RASSF3: variants seen among roughly 807,000 people sequenced by gnomAD.
The protein encoded by RASSF3 is Ras association domain family member 3.
A neutral mutation model predicts 19.9 loss-of-function variants in RASSF3; 19 were observed. The observed-to-expected ratio is 0.96, with a 90% CI of 0.67 to 1.40. RASSF3 has a LOEUF of 1.40. Ranked by LOEUF, RASSF3 falls within the 40% of genes most tolerant of loss-of-function variation. The pLI, the probability that RASSF3 is intolerant of heterozygous loss-of-function variation, is 0.00. For missense variants in RASSF3, 306 were observed against 289.8 expected, an observed-to-expected ratio of 1.06 and a Z score of -0.41; for synonymous variants, 110 against 104.2, an observed-to-expected ratio of 1.06 and a Z score of -0.34.
intron 1 of RASSF3, among the ~76,000 whole-genome samples, chr12:64,636,808 G>A (rs2136178253): frequency 6.6e-6 from 1 of 150,964 alleles, no homozygotes; most frequent in East Asian, 1.9e-4. Flanking sequence ...GGAGGTTGCA[G>A]TGAGCGAAAT....
chr12:64,624,030 G>T (rs778707721), intron 1 of RASSF3, among the ~76,000 whole-genome samples: 1 of 151,892 alleles, frequency 6.6e-6, no homozygotes, highest in African/African-American at 2.4e-5. Context: ...CATGAATGAG[G>T]TGCTGCTGCC....
At chr12:64,603,224 G>T (rs1870127184) in intron 2 of RASSF3, among the ~76,000 whole-genome samples, 1 of 151,910 alleles carries the variant, frequency 6.6e-6, no homozygotes, top group Non-Finnish European at 1.5e-5. Flanking sequence ...AGGTAATTAT[G>T]ACTTGGTCAG....
At chr12:64,541,797 C>G (rs930677674), downstream of RASSF3, 2 of 396,214 alleles carry the variant, frequency 5.0e-6, no homozygotes, top group Non-Finnish European at 4.4e-6. Context: ...CCATGGCTTA[C>G]GTATGTATCT....
chr12:64,589,222 G>A (rs1869871996), intron 2 of RASSF3, among the ~76,000 whole-genome samples: 1 of 152,046 alleles, frequency 6.6e-6, no homozygotes, highest in African/African-American at 2.4e-5. Context: ...GGCTGAGGCG[G>A]GTAGATTATT....
intron 2 of RASSF3, among the ~76,000 whole-genome samples, chr12:64,596,561 G>C (rs1432510045): frequency 3.9e-5 from 6 of 152,076 alleles, no homozygotes; most frequent in Non-Finnish European, 8.8e-5. Flanking sequence ...TAAATGACAG[G>C]AAGTTTCACA....
At chr12:64,684,013 A>AGTGTGTGTGTGTGTGTGTGTGT (rs10598381) in intron 1 of RASSF3, among the ~76,000 whole-genome samples, 1 of 138,400 alleles carries the variant, frequency 7.2e-6, no homozygotes, top group African/African-American at 2.7e-5. Context: ...AGAGAGAGTG[A>AGTGTGTGTGTGTGTGTGTGTGT]GTGTGTGTGT....
At chr12:64,627,354 T>A (rs1444026385) in intron 1 of RASSF3, among the ~76,000 whole-genome samples, 16 of 152,230 alleles carry the variant, frequency 1.1e-4, no homozygotes, top group Non-Finnish European at 1.6e-4. Flanking sequence ...TTTAAATTGC[T>A]TTATGAATTG....
At chr12:64,678,563 A>G (rs1217767586) in intron 1 of RASSF3, among the ~76,000 whole-genome samples, 1 of 148,468 alleles carries the variant, frequency 6.7e-6, no homozygotes, top group Non-Finnish European at 1.5e-5. Context: ...CAATCAGAGC[A>G]TCTGTGCTAT....
upstream of RASSF3, among the ~76,000 whole-genome samples, chr12:64,529,608 T>C (rs967612916): frequency 3.9e-5 from 6 of 152,254 alleles, no homozygotes; most frequent in South Asian, 2.1e-4. Context: ...AAGATGTAAA[T>C]AGATCAAGAA....
chr12:64,520,704 A>G (rs1565831412), intron 1 of RASSF3, among the ~76,000 whole-genome samples: 1 of 151,586 alleles, frequency 6.6e-6, no homozygotes, highest in African/African-American at 2.4e-5. Flanking sequence ...CTAGCTAAAA[A>G]AAAGTATTGC....
intron 1 of RASSF3, among the ~76,000 whole-genome samples, chr12:64,634,321 T>A (rs1220878021): frequency 1.3e-5 from 2 of 151,988 alleles, no homozygotes; most frequent in African/African-American, 4.8e-5. Flanking sequence ...TTTTTTTTTT[T>A]TTCCTACTTT....
rs202188947 is a variant in RASSF3 at position 64,642,624 on chromosome 12, GTAAT to G, written c.111+31890_111+31893del. Among the ~76,000 whole-genome samples, 1,028 of 125,542 alleles carry G rather than the reference GTAAT, an allele frequency of 8.2e-3. 16 individuals carry two copies. The highest frequency in any genetic ancestry group is 0.028 in the African/African-American group (975 of 35,040). 82.4% of individuals were successfully genotyped at this position (125,542 alleles called of 152,430 possible). A position where few individuals can be genotyped will look rare whatever the true frequency, so the allele number is the denominator to read the frequency against. On this transcript the variant is annotated intron_variant, in intron 1 of 4. Transcript: ENST00000542104. ...AACTTTGTAATTAATACAAAGTTTT[GTAAT>G]TAATTAATACAAAGTTAATTAATAC... is the stretch of plus-strand genomic sequence containing the variant.
intron 2 of RASSF3, among the ~76,000 whole-genome samples, chr12:64,558,115 G>T (rs1199922789): frequency 6.6e-6 from 1 of 152,198 alleles, no homozygotes; most frequent in Non-Finnish European, 1.5e-5. Context: ...CTTGCTCAAG[G>T]AATAGTGCCA....
At chr12:64,653,456 T>A (rs1037774454) in intron 1 of RASSF3, among the ~76,000 whole-genome samples, 1 of 152,194 alleles carries the variant, frequency 6.6e-6, no homozygotes, top group East Asian at 1.9e-4. Flanking sequence ...ACATTTTAAC[T>A]TGATGACCTC....
chr12:64,605,653 G>C (rs1315542006), upstream of RASSF3, among the ~76,000 whole-genome samples: 2 of 152,086 alleles, frequency 1.3e-5, no homozygotes, highest in East Asian at 1.9e-4. Flanking sequence ...ACTTTGGGAG[G>C]CTGAGGCAGG....
upstream of RASSF3, among the ~76,000 whole-genome samples, chr12:64,530,538 T>C (rs973595534): frequency 1.3e-5 from 2 of 152,230 alleles, no homozygotes; most frequent in East Asian, 1.9e-4. Context: ...AATATTTGTG[T>C]ACAAGTCTTT....
chr12:64,631,135 G>A (rs1033531142), intron 1 of RASSF3, among the ~76,000 whole-genome samples: 7 of 152,180 alleles, frequency 4.6e-5, no homozygotes, highest in South Asian at 2.1e-4. Context: ...GAAGCATGGG[G>A]GCACCAGCAG....
intron 2 of RASSF3, among the ~76,000 whole-genome samples, chr12:64,570,369 C>G (rs543899180): frequency 7.9e-5 from 12 of 152,252 alleles, no homozygotes; most frequent in Non-Finnish European, 1.2e-4. Flanking sequence ...TTTCGCTTGG[C>G]CTTCTCTCCT....
chr12:64,580,762 C>T (rs1307820409), intron 2 of RASSF3, among the ~76,000 whole-genome samples: 2 of 152,178 alleles, frequency 1.3e-5, no homozygotes. Flanking sequence ...TGTATCATTC[C>T]AATCTCTGCC....
Sources: gnomAD v4.1 joint callset for allele counts (sites outside exome capture counted in the v4.1 genomes callset) on GRCh38, gnomAD v4.1.1 for gene constraint, MANE v1.5 for transcripts, NCBI Gene and HGNC (gene_info 2026-07-23, HGNC 2026-07-21) for gene names.